The following ABHD8 variants were observed in gnomAD, a reference collection of about 807,000 sequenced individuals.
The protein encoded by ABHD8 is protein ABHD8.
ABHD8 carries 10 observed loss-of-function variants against 29.3 expected under a neutral mutation model. That is an observed-to-expected ratio of 0.34 (90% CI 0.21 to 0.58). The LOEUF (loss-of-function observed/expected upper bound fraction) is 0.58, where lower values mean the gene tolerates loss of function less well. Among genes scored for constraint, ABHD8 ranks in the 20% least tolerant of loss-of-function variants. ABHD8 has a pLI of 0.85. For missense variants in ABHD8, 556 were observed against 615.3 expected (o/e 0.90, Z 1.02); for synonymous variants, 282 against 274.6 (o/e 1.03, Z -0.27).
In ABHD8 at chr19:17,294,297, G is replaced by A. The variant is rs2074083687; in HGVS notation, c.1140C>T (p.Arg380=). ...AGGTGCCCGCCTCTACCTCGGCCATGCGCTGGTCTTCCTCCACCGGCACAA... is the reference window on the plus strand; with the variant it reads ...AGGTGCCCGCCTCTACCTCGGCCATACGCTGGTCTTCCTCCACCGGCACAA... The part of the protein sequence containing the change: ...DKFVPVEEDQ[R]MAEILLLAFL... The change falls in exon 4 of 5, where the codon CGC becomes CGT. Residue 380 remains arginine (R), a synonymous_variant. Transcript: ENST00000247706. 1 of 1,604,760 alleles carries A rather than the reference G, an allele frequency of 6.2e-7. No homozygotes were observed.
chr19:17,301,528 C>G lies in ABHD8; in HGVS notation c.89G>C (p.Ser30Thr), dbSNP rs1469221185. The G allele has an allele frequency of 5.6e-6, 9 of 1,610,524 alleles. No homozygotes were observed. Among genetic ancestry groups the G allele is most frequent in the Non-Finnish European group, 7.6e-6 (9 of 1,178,934 alleles). The change falls in exon 2 of 5, where the codon AGC (serine) becomes ACC (threonine). Residue 30 changes from serine (S) to threonine (T), a missense_variant. Transcript: ENST00000247706. ...GACCTCTACAAAGGTGTAGCCATCGCTGGACTCGACGCTCTCCAGTGGCCC... is the reference window on the plus strand; with the variant it reads ...GACCTCTACAAAGGTGTAGCCATCGGTGGACTCGACGCTCTCCAGTGGCCC... ...AVGPLESVES[S>T]DGYTFVEVKP...
Position 17,301,618 on chromosome 19 carries a change from G to T in ABHD8, c.-2C>A. 6.5e-7 allele frequency: 1 copy of T among 1,540,074 alleles called. No individual in the cohort carries two copies. On this transcript the variant is annotated 5_prime_UTR_variant, in exon 2 of 5. Transcript: ENST00000247706. ...ACCGTCGGTCACCCCGGTCAGCATG[G>T]TGTGTCCTGTGAGTGAGGACAGCAG...
intron 2 of ABHD8, among the ~76,000 whole-genome samples, chr19:17,299,759 T>TG (rs944710529): frequency 3.9e-5 from 6 of 152,030 alleles, no homozygotes; most frequent in Non-Finnish European, 7.4e-5. Context: ...AAAATGGGAT[T>TG]TTTTTCAAGG....
At chr19:17,295,821 C>A (rs1231303758) in intron 2 of ABHD8, among the ~76,000 whole-genome samples, 1 of 152,232 alleles carries the variant, frequency 6.6e-6, no homozygotes, top group African/African-American at 2.4e-5. Flanking sequence ...GATCCTCCCA[C>A]CTCAGCCTTC....
intron 1 of ABHD8, chr19:17,302,148 C>G (rs1219725475): frequency 6.6e-6 from 1 of 152,280 alleles, no homozygotes; most frequent in African/African-American, 2.4e-5. Context: ...TCACCCTAGT[C>G]TATCCTCAGA....
chr19:17,293,601 A>C (rs1291711069), intron 4 of ABHD8, among the ~76,000 whole-genome samples: 1 of 151,820 alleles, frequency 6.6e-6, no homozygotes, highest in Non-Finnish European at 1.5e-5. Context: ...TGACACCTAA[A>C]AATGTCTCCA....
chr19:17,292,504 C>T lies in ABHD8; in HGVS notation c.*157G>A. 2 of 876,286 alleles carry T rather than the reference C, an allele frequency of 2.3e-6. No individual in the cohort carries two copies. The highest frequency in any genetic ancestry group is 3.2e-6 in the Non-Finnish European group (2 of 616,784). The allele number at this position is 876,286 out of a possible 1,614,324, so 54.3% of individuals were successfully genotyped here. The stretch of plus-strand genomic sequence containing the variant: ...GTCCGCTGGGCTCCCTCGGATGCCA[C>T]GCCCCGCCCAGGCAGCCTGGGGGCG... On this transcript the variant is annotated 3_prime_UTR_variant, in exon 5 of 5. Transcript: ENST00000247706.
chr19:17,292,864 G>A lies in ABHD8; in HGVS notation c.1150-33C>T, dbSNP rs774911631. ...AGACGCAGGGCTCAAGGTAGGCGGG[G>A]GCAAGAGGGTGGAGAGAGGCCAGGC... is the stretch of plus-strand genomic sequence containing the variant. On this transcript the variant is annotated intron_variant, in intron 4 of 4. Coordinates refer to ENST00000247706, the MANE Select transcript of ABHD8 (RefSeq NM_024527.5). 8.1e-6 allele frequency: 13 copies of A among 1,597,618 alleles called. No individual in the cohort carries two copies. In the Admixed American group the frequency reaches 1.9e-4, roughly 23 times the overall value.
intron 2 of ABHD8, 128 bp from the exon 3 acceptor site, chr19:17,294,973 G>C (rs1003672600): frequency 8.6e-7 from 1 of 1,158,428 alleles, no homozygotes; most frequent in Non-Finnish European, 1.2e-6. Flanking sequence ...CCCCAGGCTG[G>C]AATGCAGTGG....
chr19:17,292,892 C>A, intron 4 of ABHD8, 61 bp from the exon 5 acceptor site: 1 of 1,544,770 alleles, frequency 6.5e-7, no homozygotes, highest in South Asian at 1.2e-5. Context: ...GGCCAGGCTT[C>A]CCTGGGACTC....
chr19:17,298,759 T>TTTG (rs56279352), intron 2 of ABHD8, among the ~76,000 whole-genome samples: 1 of 105,742 alleles, frequency 9.5e-6, no homozygotes, highest in African/African-American at 3.6e-5. Flanking sequence ...TTTTTTTTTT[T>TTTG]GGGCAGAGTC....
In ABHD8 at chr19:17,292,527, G is replaced by T. The variant is rs1366292326; in HGVS notation, c.*134C>A. The T allele has an allele frequency of 7.5e-6, 8 of 1,061,008 alleles. No homozygotes were observed. The Admixed American group carries it at 2.3e-4, about 31-fold the overall frequency. The allele number at this position is 1,061,008 out of a possible 1,614,324, so 65.7% of individuals were successfully genotyped here. Reference sequence around the variant, plus strand: ...CACGCCCCGCCCAGGCAGCCTGGGGGCGTCTCCCTGACCTGGCCCCGCCCA... The same window carrying T: ...CACGCCCCGCCCAGGCAGCCTGGGGTCGTCTCCCTGACCTGGCCCCGCCCA... On this transcript the variant is annotated 3_prime_UTR_variant, in exon 5 of 5. Transcript: ENST00000247706.
chr19:17,294,137 G>A lies in ABHD8; in HGVS notation c.1149+151C>T, dbSNP rs1006944370. On this transcript the variant is annotated intron_variant, in intron 4 of 4. Transcript: ENST00000247706. ...TTGCCTGGGGTCAGAACAAGATACA[G>A]CAACTAGAGGCCACGCCCACCCGGC... 6 of 897,240 alleles carry A rather than the reference G, an allele frequency of 6.7e-6. No individual in the cohort carries two copies. In the Admixed American group the frequency reaches 8.1e-5, roughly 12 times the overall value. 55.6% of individuals were successfully genotyped at this position (897,240 alleles called of 1,614,324 possible). A position where few individuals can be genotyped will look rare whatever the true frequency, so the allele number is the denominator to read the frequency against.
In ABHD8 at chr19:17,301,098, C is replaced by G. The variant is rs1223167732; in HGVS notation, c.519G>C (p.Gln173His). The G allele has an allele frequency of 6.2e-7, 1 of 1,613,294 alleles. No homozygotes were observed. The highest frequency in any genetic ancestry group is 1.3e-5 in the African/African-American group (1 of 74,960). The change falls in exon 2 of 5, where the codon CAG becomes CAC. Residue 173 changes from glutamine to histidine, a missense_variant. Gln to His is a conservative substitution (Grantham distance 24, BLOSUM62 0). This residue lies in a region of ABHD8 where 286 missense variants were observed against 261.4 expected (regional missense o/e 1.09). Coordinates refer to ENST00000247706, the MANE Select transcript of ABHD8 (RefSeq NM_024527.5). Reference sequence around the variant, plus strand: ...GGATGAAAAAGAGCACCACGTCGGCCTGGGCGCCTTTGCAGCTAGTGATGC... The same window carrying G: ...GGATGAAAAAGAGCACCACGTCGGCGTGGGCGCCTTTGCAGCTAGTGATGC... The part of the protein sequence containing the change: ...EKRITSCKGA[Q>H]ADVVLFFIHG...
In ABHD8 at chr19:17,301,275, C is replaced by T. The variant is rs149325940; in HGVS notation, c.342G>A (p.Pro114=). The T allele has an allele frequency of 8.4e-5, 134 of 1,603,894 alleles. No individual in the cohort carries two copies. Among genetic ancestry groups the T allele is most frequent in the Non-Finnish European group, 1.0e-4 (118 of 1,178,550 alleles). Reference sequence around the variant, plus strand: ...CTGCCAGCTCCACCTCCAGGGCGGCCGGCGGCTCCCCAGAGCCATTCTGCC... The same window carrying T: ...CTGCCAGCTCCACCTCCAGGGCGGCTGGCGGCTCCCCAGAGCCATTCTGCC... The part of the protein sequence containing the change: ...LHGQNGSGEP[P]AALEVELADP... Residue 114 remains proline (P), a synonymous_variant, in exon 2 of 5, where the codon CCG becomes CCA. Coordinates refer to ENST00000247706, the MANE Select transcript of ABHD8 (RefSeq NM_024527.5).
chr19:17,295,014 C>G (rs946885433), intron 2 of ABHD8, among the ~76,000 whole-genome samples, 169 bp from the exon 3 acceptor site: 1 of 152,098 alleles, frequency 6.6e-6, no homozygotes, highest in African/African-American at 2.4e-5. Context: ...ACCTCTGCCT[C>G]CCAGGTTCAA....
rs2074074122 is a variant in ABHD8 at position 17,292,374 on chromosome 19, G to C, written c.*287C>G. On this transcript the variant is annotated 3_prime_UTR_variant, in exon 5 of 5. Coordinates refer to ENST00000247706, the MANE Select transcript of ABHD8 (RefSeq NM_024527.5). ...GGCCTGCCTTGGCCGTGGCGTTGGGGGGAAGGTGAGGGAGAGCTTCTGTAC... is the reference window on the plus strand; with the variant it reads ...GGCCTGCCTTGGCCGTGGCGTTGGGCGGAAGGTGAGGGAGAGCTTCTGTAC... 1 of 441,186 alleles carries C rather than the reference G, an allele frequency of 2.3e-6. No homozygotes were observed. Among genetic ancestry groups the C allele is most frequent in the African/African-American group, 2.1e-5 (1 of 48,682 alleles). 27.3% of individuals were successfully genotyped at this position (441,186 alleles called of 1,614,324 possible). A position where few individuals can be genotyped will look rare whatever the true frequency, so the allele number is the denominator to read the frequency against.
intron 2 of ABHD8, 59 bp from the exon 3 acceptor site, chr19:17,294,904 G>A (rs1484267194): frequency 1.5e-5 from 24 of 1,573,934 alleles, no homozygotes; most frequent in Non-Finnish European, 2.1e-5. Flanking sequence ...CAGGATACAA[G>A]CAGTGACCAT....
At chr19:17,299,112 G>A (rs1041495667) in intron 2 of ABHD8, among the ~76,000 whole-genome samples, 2 of 151,968 alleles carry the variant, frequency 1.3e-5, no homozygotes, top group African/African-American at 4.8e-5. Context: ...GATTACATAT[G>A]CTAATGGGAG....
Sources: allele counts gnomAD v4.1 joint callset (sites outside exome capture counted in the v4.1 genomes callset), GRCh38; gene constraint gnomAD v4.1.1; regional missense constraint gnomAD v4.1.1; transcripts MANE v1.5; gene names NCBI Gene and HGNC (gene_info 2026-07-23, HGNC 2026-07-21).